The following TENM3 variants were observed in gnomAD, a reference collection of about 807,000 sequenced individuals.
The protein encoded by TENM3 is teneurin-3.
Under a neutral mutation model 255.1 loss-of-function variants are expected in TENM3, and 63 were observed. The observed-to-expected ratio is 0.25, with a 90% confidence interval of 0.20 to 0.30. The LOEUF (loss-of-function observed/expected upper bound fraction) is 0.30. Among genes scored for constraint, TENM3 ranks in the 10% least tolerant of loss-of-function variants. The pLI is 1.00. For missense variants in TENM3, 2,929 were observed against 3,461.1 expected, an observed-to-expected ratio of 0.85 and a Z score of 3.86; for synonymous variants, 1,306 against 1,322.3, an observed-to-expected ratio of 0.99 and a Z score of 0.27.
chr4:182,758,409 G>A (rs1025285394), intron 22 of TENM3, among the ~76,000 whole-genome samples: 7 of 152,128 alleles, frequency 4.6e-5, no homozygotes, highest in Non-Finnish European at 5.9e-5. Context: ...ACAGCAGCAC[G>A]TATTGTCTGT....
intron 12 of TENM3, among the ~76,000 whole-genome samples, chr4:182,702,988 A>T (rs1374556213): frequency 1.3e-5 from 2 of 152,126 alleles, no homozygotes; most frequent in African/African-American, 4.8e-5. Flanking sequence ...TGCCCGCCTC[A>T]GCCTCCCAAA....
the TENM3 span, among the ~76,000 whole-genome samples, chr4:182,033,547 A>G: frequency 6.6e-6 from 1 of 152,230 alleles, no homozygotes. Flanking sequence ...GATATCTATC[A>G]GGTCCACTTG....
At chr4:181,454,105 A>C in the TENM3 span, among the ~76,000 whole-genome samples, 4 of 152,158 alleles carry the variant, frequency 2.6e-5, no homozygotes, top group African/African-American at 9.7e-5. Context: ...AATAAGTAGG[A>C]TCTAATGGCA....
intron 3 of TENM3, among the ~76,000 whole-genome samples, chr4:182,427,954 T>A (rs1444017062): frequency 6.6e-6 from 1 of 151,916 alleles, no homozygotes; most frequent in East Asian, 1.9e-4. Flanking sequence ...TCACTTTTTT[T>A]TTTTTTTGCC....
chr4:181,592,730 T>C, the TENM3 span, among the ~76,000 whole-genome samples: 1 of 151,376 alleles, frequency 6.6e-6, no homozygotes, highest in East Asian at 1.9e-4. Flanking sequence ...AAGCAAACTT[T>C]TCAATGTGGA....
At chr4:182,205,442 C>T (rs1754490010) in intron 1 of TENM3, among the ~76,000 whole-genome samples, 1 of 152,232 alleles carries the variant, frequency 6.6e-6, no homozygotes, top group African/African-American at 2.4e-5. Context: ...ACACGCCCCT[C>T]TCCCAGCACA....
the TENM3 span, among the ~76,000 whole-genome samples, chr4:181,542,814 C>T: frequency 2.0e-5 from 3 of 152,256 alleles, no homozygotes; most frequent in Admixed American, 6.5e-5. Flanking sequence ...TCAAATATCT[C>T]CGCATGTTAG....
intron 21 of TENM3, 63 bp downstream of exon 21, chr4:182,753,667 T>C: frequency 6.7e-7 from 1 of 1,493,540 alleles, no homozygotes; most frequent in Non-Finnish European, 9.3e-7. Flanking sequence ...ATTCAGTCGG[T>C]AGACTATGAT....
intron 1 of TENM3, among the ~76,000 whole-genome samples, chr4:182,279,739 G>A (rs540934243): frequency 2.6e-5 from 4 of 152,140 alleles, no homozygotes; most frequent in Non-Finnish European, 4.4e-5. Context: ...ATAGTGGATC[G>A]CAGAATAGTC....
chr4:181,681,452 G>A, the TENM3 span, among the ~76,000 whole-genome samples: 1 of 152,008 alleles, frequency 6.6e-6, no homozygotes, highest in East Asian at 1.9e-4. Context: ...AAGCCTTAGG[G>A]GTTCAGTGGG....
intron 1 of TENM3, among the ~76,000 whole-genome samples, chr4:182,191,696 C>T (rs72696034): frequency 0.056 from 8,556 of 152,198 alleles, 330 homozygotes; most frequent in Non-Finnish European, 0.083. Flanking sequence ...CCCAGCCTTC[C>T]ATGCTCAATT....
chr4:182,195,053 A>T (rs1753757397), intron 1 of TENM3, among the ~76,000 whole-genome samples: 1 of 150,834 alleles, frequency 6.6e-6, no homozygotes, highest in South Asian at 2.1e-4. Flanking sequence ...ACACACACAC[A>T]CACACACACA....
intron 1 of TENM3, among the ~76,000 whole-genome samples, chr4:182,158,586 C>A (rs1435214029): frequency 1.3e-5 from 2 of 152,106 alleles, no homozygotes; most frequent in Non-Finnish European, 2.9e-5. Flanking sequence ...AAAGCAGAAA[C>A]CTAGGCTGCC....
At chr4:182,180,178 C>T (rs893413366) in intron 1 of TENM3, among the ~76,000 whole-genome samples, 3 of 151,576 alleles carry the variant, frequency 2.0e-5, no homozygotes, top group Admixed American at 6.6e-5. Flanking sequence ...TTAACGTGAA[C>T]TTTCCAAAAT....
chr4:181,535,917 C>T, the TENM3 span, among the ~76,000 whole-genome samples: 1 of 152,132 alleles, frequency 6.6e-6, no homozygotes, highest in Middle Eastern at 3.4e-3. Context: ...GAATGCTTCT[C>T]ATTTTGAAAA....
At chr4:182,376,540 G>T (rs1767191225) in intron 3 of TENM3, among the ~76,000 whole-genome samples, 1 of 152,148 alleles carries the variant, frequency 6.6e-6, no homozygotes, top group African/African-American at 2.4e-5. Flanking sequence ...CATTTAAAAT[G>T]CAATAAATGT....
rs781047746 is a variant in TENM3 at position 182,754,853 on chromosome 4, C to T, written c.4486C>T (p.Arg1496Trp). Residue 1496 changes from arginine (R) to tryptophan (W), a missense_variant, in exon 22 of 28, where the codon CGG becomes TGG. Physicochemically the swap from Arg to Trp is moderately radical, Grantham distance 101 (BLOSUM62 -3). Around this residue, in one of 6 missense-constraint regions of TENM3, gnomAD observed 1,608 missense variants for 1,884.4 expected, o/e 0.85. Transcript: ENST00000511685. This position sits in a 1 kb window ranked among gnomAD's most constrained non-coding sequence, Gnocchi z 5.1. ...YIADLGNIRI[R>W]AVSKNKPLLN... ...TGCAGATCTAGGGAATATCCGGATCCGGGCTGTGTCAAAGAATAAGCCTTT... is the reference window on the plus strand; with the variant it reads ...TGCAGATCTAGGGAATATCCGGATCTGGGCTGTGTCAAAGAATAAGCCTTT... 36 of 1,613,876 alleles carry T rather than the reference C, an allele frequency of 2.2e-5. 1 individual carries two copies. The highest frequency in any genetic ancestry group is 2.7e-5 in the African/African-American group (2 of 74,934).
chr4:182,294,282 G>T (rs62352262), intron 1 of TENM3, among the ~76,000 whole-genome samples: 1 of 152,006 alleles, frequency 6.6e-6, no homozygotes, highest in Admixed American at 6.6e-5. Flanking sequence ...ACATTTTTAA[G>T]ATTTCTAGAT....
chr4:182,488,732 G>A (rs955131991), intron 3 of TENM3, among the ~76,000 whole-genome samples: 3 of 151,978 alleles, frequency 2.0e-5, no homozygotes, highest in Non-Finnish European at 1.5e-5. Context: ...TCAAGAGGAA[G>A]GTTTTCATTT....
Sources: gnomAD v4.1 joint callset for allele counts (sites outside exome capture counted in the v4.1 genomes callset) on GRCh38, gnomAD v4.1.1 for gene constraint, gnomAD v4.1.1 regional missense constraint, Gnocchi (gnomAD v3.1) non-coding constraint, MANE v1.5 for transcripts, NCBI Gene and HGNC (gene_info 2026-07-23, HGNC 2026-07-21) for gene names.